The following STK33 variants were observed in gnomAD, a reference collection of about 807,000 sequenced individuals.
STK33 encodes serine/threonine kinase 33.
A neutral mutation model predicts 58.0 loss-of-function variants in STK33; 52 were observed. That is an observed-to-expected ratio of 0.90 (90% CI 0.72 to 1.13). STK33 has a LOEUF of 1.13. Among genes scored for constraint, STK33 ranks in the 50% most tolerant of loss-of-function variants. STK33 has a pLI of 0.00. For missense variants in STK33, 630 were observed against 604.2 expected (o/e 1.04, Z -0.45); for synonymous variants, 215 against 200.1 (o/e 1.07, Z -0.63).
intron 1 of STK33, among the ~76,000 whole-genome samples, chr11:8,565,347 T>C (rs959130066): frequency 1.3e-5 from 2 of 152,216 alleles, no homozygotes; most frequent in African/African-American, 2.4e-5. Flanking sequence ...TAATTGGGGT[T>C]TACCCATGGG....
At chr11:8,467,221 G>A (rs1435567131) in intron 6 of STK33, 1 of 152,078 alleles carries the variant, frequency 6.6e-6, no homozygotes, top group Non-Finnish European at 1.5e-5. Flanking sequence ...TCAGAAAATG[G>A]GATTTTCTTT....
At chr11:8,345,181 G>A in the STK33 span, among the ~76,000 whole-genome samples, 1 of 152,166 alleles carries the variant, frequency 6.6e-6, no homozygotes, top group Non-Finnish European at 1.5e-5. Context: ...GAGAGGCCCC[G>A]CAGAGTCCGA....
chr11:8,458,325 A>C (rs989804437), intron 8 of STK33, among the ~76,000 whole-genome samples: 3 of 152,070 alleles, frequency 2.0e-5, no homozygotes, highest in Non-Finnish European at 2.9e-5. Flanking sequence ...TAGACTTGAA[A>C]ATTTCAGGTT....
chr11:8,366,519 C>T, the STK33 span, among the ~76,000 whole-genome samples: 3 of 152,186 alleles, frequency 2.0e-5, no homozygotes, highest in African/African-American at 4.8e-5. Context: ...GTCCTGAGTG[C>T]CCAGGTGGCC....
At chr11:8,498,195 T>G (rs1401078206) in intron 1 of STK33, among the ~76,000 whole-genome samples, 2 of 152,028 alleles carry the variant, frequency 1.3e-5, no homozygotes, top group African/African-American at 2.4e-5. Context: ...TATTGTAATT[T>G]TAAAAGAAAA....
chr11:8,502,049 G>C (rs1383980527), intron 1 of STK33, among the ~76,000 whole-genome samples: 1 of 142,176 alleles, frequency 7.0e-6, no homozygotes, highest in Non-Finnish European at 1.5e-5. Flanking sequence ...ATAGGTATGA[G>C]GTTTCTTCGT....
chr11:8,454,772 T>A lies in STK33; in HGVS notation c.758A>T (p.Asp253Val). 1 of 1,578,706 alleles carries A rather than the reference T, an allele frequency of 6.3e-7. No individual in the cohort carries two copies. The highest frequency in any genetic ancestry group is 8.6e-7 in the Non-Finnish European group (1 of 1,159,560). ...NIMVKSSLID[D>V]NNEINLNIKV... ...TATGTTTAAGTTTATTTCATTGTTA[T>A]CATCAATAAGACTGCTTTTAACCAT... The change falls in exon 10 of 16, where the codon GAT (aspartate) becomes GTT (valine). Residue 253 changes from aspartate (D) to valine (V), a missense_variant. Transcript: ENST00000687296.
intron 14 of STK33, among the ~76,000 whole-genome samples, chr11:8,431,607 G>A (rs1240932490): frequency 6.6e-6 from 1 of 152,156 alleles, no homozygotes; most frequent in African/African-American, 2.4e-5. Flanking sequence ...TCTAGTACCT[G>A]ATGGATTAAA....
chr11:8,455,468 ATAAT>A (rs1310113929), intron 9 of STK33, among the ~76,000 whole-genome samples: 4 of 152,178 alleles, frequency 2.6e-5, no homozygotes, highest in African/African-American at 9.7e-5. Context: ...TCCTTTGCAA[ATAAT>A]TAATTCAGTT....
chr11:8,440,402 G>T (rs1169093726), intron 12 of STK33, among the ~76,000 whole-genome samples: 5 of 152,146 alleles, frequency 3.3e-5, no homozygotes, highest in South Asian at 4.2e-4. Context: ...CAAAGGATAC[G>T]GAAGGTGTTA....
At chr11:8,378,852 A>T in the STK33 span, among the ~76,000 whole-genome samples, 1 of 152,346 alleles carries the variant, frequency 6.6e-6, no homozygotes, top group East Asian at 1.9e-4. Flanking sequence ...CCTAAGCAAA[A>T]AGAACAAATC....
chr11:8,517,776 GAGA>G (rs1168458557), intron 1 of STK33, among the ~76,000 whole-genome samples: 1 of 152,136 alleles, frequency 6.6e-6, no homozygotes, highest in East Asian at 1.9e-4. Flanking sequence ...GAAGCGAGAA[GAGA>G]AGTTTAGAGA....
intron 1 of STK33, among the ~76,000 whole-genome samples, chr11:8,557,539 A>G (rs1464558551): frequency 6.6e-6 from 1 of 152,138 alleles, no homozygotes; most frequent in African/African-American, 2.4e-5. Flanking sequence ...TCATATTTTT[A>G]CAGAAATAAT....
intron 14 of STK33, among the ~76,000 whole-genome samples, chr11:8,435,219 C>A (rs1943917629): frequency 6.6e-6 from 1 of 152,108 alleles, no homozygotes; most frequent in Non-Finnish European, 1.5e-5. Context: ...TAATACTGGA[C>A]ATTTTTCAGC....
the STK33 span, among the ~76,000 whole-genome samples, chr11:8,382,666 T>C: frequency 6.6e-6 from 1 of 152,180 alleles, no homozygotes. Flanking sequence ...GGACAGGTCC[T>C]GTGTGAGGTT....
At chr11:8,537,278 C>T (rs1311069690) in intron 1 of STK33, among the ~76,000 whole-genome samples, 1 of 151,926 alleles carries the variant, frequency 6.6e-6, no homozygotes, top group African/African-American at 2.4e-5. Flanking sequence ...CCATGCCTGG[C>T]AGGGTCTTGC....
chr11:8,364,951 A>G, the STK33 span, among the ~76,000 whole-genome samples: 1 of 129,326 alleles, frequency 7.7e-6, no homozygotes, highest in African/African-American at 2.9e-5. Flanking sequence ...CCGCCCAAGC[A>G]AATCCCTATG....
At chr11:8,428,990 G>A (rs183963821) in intron 14 of STK33, among the ~76,000 whole-genome samples, 1 of 151,848 alleles carries the variant, frequency 6.6e-6, no homozygotes, top group East Asian at 1.9e-4. Context: ...TTTGTAAAAT[G>A]AGACAAATTA....
chr11:8,363,968 T>C, the STK33 span, among the ~76,000 whole-genome samples: 1 of 152,242 alleles, frequency 6.6e-6, no homozygotes, highest in Non-Finnish European at 1.5e-5. Flanking sequence ...GGCAAGCATC[T>C]TTTCTATGTG....
Sources: allele counts gnomAD v4.1 joint callset (sites outside exome capture counted in the v4.1 genomes callset), GRCh38; gene constraint gnomAD v4.1.1; transcripts MANE v1.5; gene names NCBI Gene and HGNC (gene_info 2026-07-23, HGNC 2026-07-21).